RGS6: variants seen among roughly 807,000 people sequenced by gnomAD.
The protein encoded by RGS6 is regulator of G protein signaling 6.
Under a neutral mutation model 78.5 loss-of-function variants are expected in RGS6, and 30 were observed. That is an observed-to-expected ratio of 0.38 (90% CI 0.29 to 0.52). The LOEUF is 0.52. Ranked by LOEUF, RGS6 falls within the 20% of genes least tolerant of loss-of-function variation. The pLI, the probability that RGS6 is intolerant of heterozygous loss-of-function variation, is 0.85. For synonymous variants in RGS6, 206 were observed against 206.0 expected (o/e 1.00, Z 0.00); for missense variants, 495 against 609.7 (o/e 0.81, Z 1.98).
At chr14:72,296,728 A>C (rs988878615) in intron 2 of RGS6, among the ~76,000 whole-genome samples, 5 of 152,264 alleles carry the variant, frequency 3.3e-5, no homozygotes, top group South Asian at 2.1e-4. Flanking sequence ...ATTTTCTCCC[A>C]ATCTGTAGTT....
intron 2 of RGS6, among the ~76,000 whole-genome samples, chr14:72,293,456 T>TCTCTCC (rs562283571): frequency 6.6e-5 from 10 of 152,086 alleles, no homozygotes; most frequent in Non-Finnish European, 1.5e-4. Context: ...GTTTGTTTTC[T>TCTCTCC]CTCTCCCTCT....
At chr14:71,872,750 CG>C in the RGS6 span, among the ~76,000 whole-genome samples, 3 of 152,106 alleles carry the variant, frequency 2.0e-5, no homozygotes, top group South Asian at 6.2e-4. Flanking sequence ...CCCATTAACT[CG>C]TCATTTACAT....
chr14:72,050,213 C>T (rs1207375780), intron 2 of RGS6, among the ~76,000 whole-genome samples: 3 of 152,192 alleles, frequency 2.0e-5, no homozygotes, highest in African/African-American at 7.2e-5. Flanking sequence ...GAACTTGACG[C>T]TTACAGCTAG....
intron 2 of RGS6, among the ~76,000 whole-genome samples, chr14:71,971,925 T>G (rs1236284852): frequency 2.7e-5 from 4 of 150,570 alleles, no homozygotes; most frequent in Admixed American, 1.3e-4. Context: ...TTTTTTTTTT[T>G]TTTTTTTTTA....
At chr14:71,931,768 C>T (rs1019406552), upstream of RGS6, among the ~76,000 whole-genome samples, 14 of 152,210 alleles carry the variant, frequency 9.2e-5, no homozygotes, top group African/African-American at 3.4e-4. Flanking sequence ...GGCATCAGTT[C>T]AAGTTACTTT....
At chr14:72,356,420 A>G (rs764357818) in intron 3 of RGS6, among the ~76,000 whole-genome samples, 28 of 152,142 alleles carry the variant, frequency 1.8e-4, no homozygotes, top group Non-Finnish European at 3.1e-4. Context: ...ATTAACTGTG[A>G]GTCAATTAAG....
intron 2 of RGS6, among the ~76,000 whole-genome samples, chr14:72,309,232 C>T (rs375274442): frequency 1.1e-4 from 16 of 152,168 alleles, no homozygotes; most frequent in Admixed American, 4.6e-4. Context: ...GAGGTCAGAG[C>T]GAGGCTGGTG....
chr14:72,359,138 C>G (rs2080962060), intron 3 of RGS6, among the ~76,000 whole-genome samples: 1 of 152,158 alleles, frequency 6.6e-6, no homozygotes, highest in South Asian at 2.1e-4. Flanking sequence ...CCTTTCCAGC[C>G]ATGCTGTACT....
chr14:72,156,123 A>T (rs530755761), intron 2 of RGS6, among the ~76,000 whole-genome samples: 12 of 152,172 alleles, frequency 7.9e-5, no homozygotes, highest in Non-Finnish European at 1.8e-4. Flanking sequence ...CCGGGGTCTG[A>T]AGGGGCTGGT....
chr14:71,923,201 T>C, the RGS6 span, among the ~76,000 whole-genome samples: 2 of 152,194 alleles, frequency 1.3e-5, no homozygotes, highest in Admixed American at 6.5e-5. Context: ...AGGTGTTCTC[T>C]GAGTCATGGC....
chr14:72,512,023 G>C (rs542073163), intron 14 of RGS6, among the ~76,000 whole-genome samples: 3 of 152,256 alleles, frequency 2.0e-5, no homozygotes, highest in African/African-American at 7.2e-5. Flanking sequence ...GATGGACCCA[G>C]GTGGCCTCTC....
At chr14:72,126,147 G>T (rs140031775) in intron 2 of RGS6, among the ~76,000 whole-genome samples, 227 of 152,324 alleles carry the variant, frequency 1.5e-3, no homozygotes, top group African/African-American at 5.2e-3. Flanking sequence ...GAGAAGTTTA[G>T]GGTTGGGCTC....
At chr14:72,186,615 C>A (rs1340059452) in intron 2 of RGS6, among the ~76,000 whole-genome samples, 5 of 152,018 alleles carry the variant, frequency 3.3e-5, no homozygotes, top group African/African-American at 1.2e-4. Flanking sequence ...TTACTGGGGA[C>A]AATTTGACCT....
intron 2 of RGS6, among the ~76,000 whole-genome samples, chr14:72,031,846 T>A (rs376233202): frequency 0.044 from 6,650 of 152,296 alleles, 177 homozygotes; most frequent in African/African-American, 0.078. Context: ...CTGACAACAC[T>A]TTTTTAAATG....
rs560273518 is a variant in RGS6 at position 72,341,272 on chromosome 14, C to T, written c.85-10823C>T. 4.6e-5 allele frequency among the ~76,000 whole-genome samples: 7 copies of T among 152,220 alleles called. No individual in the cohort carries two copies. In the East Asian group the frequency reaches 1.4e-3, roughly 30 times the overall value. ...GGAAAAGAGCACAAAGATGGAAGTGCTACACACTTTTAAACAACCAGATTT... is the reference window on the plus strand; with the variant it reads ...GGAAAAGAGCACAAAGATGGAAGTGTTACACACTTTTAAACAACCAGATTT... On this transcript the variant is annotated intron_variant, in intron 2 of 17. Transcript: ENST00000553525.
intron 4 of RGS6, among the ~76,000 whole-genome samples, chr14:72,455,229 C>T (rs999945093): frequency 2.6e-5 from 4 of 152,062 alleles, no homozygotes; most frequent in South Asian, 2.1e-4. Context: ...AATACTTTTC[C>T]GAATTTATTA....
At chr14:72,421,382 C>T (rs554288320) in intron 3 of RGS6, among the ~76,000 whole-genome samples, 2 of 152,198 alleles carry the variant, frequency 1.3e-5, no homozygotes, top group East Asian at 3.9e-4. Flanking sequence ...TAATTATTTA[C>T]ATTTTAAACT....
intron 2 of RGS6, among the ~76,000 whole-genome samples, chr14:72,269,602 A>T (rs1311467048): frequency 3.2e-5 from 4 of 123,724 alleles, no homozygotes; most frequent in Admixed American, 1.0e-4. Context: ...TTTGAGACAG[A>T]GTCTCTCTCT....
intron 2 of RGS6, among the ~76,000 whole-genome samples, chr14:72,161,937 A>G (rs1055997069): frequency 3.3e-5 from 5 of 152,252 alleles, no homozygotes; most frequent in African/African-American, 1.2e-4. Context: ...TATCCAGGGT[A>G]TTTGACTTCA....
Sources: allele counts gnomAD v4.1 joint callset (sites outside exome capture counted in the v4.1 genomes callset), GRCh38; gene constraint gnomAD v4.1.1; transcripts MANE v1.5; gene names NCBI Gene and HGNC (gene_info 2026-07-23, HGNC 2026-07-21).